Variants in RIT2 observed in about 807,000 individuals in gnomAD.
RIT2 encodes the protein Ras like without CAAX 2.
In RIT2, 24 loss-of-function variants were observed where a neutral mutation model predicts 23.7. That is an observed-to-expected ratio of 1.01 (90% CI 0.73 to 1.43). The LOEUF is 1.43. Ranked by LOEUF, RIT2 falls within the 40% of genes most tolerant of loss-of-function variation. RIT2 has a pLI of 0.00. For synonymous variants in RIT2, 107 were observed against 91.1 expected (o/e 1.17, Z -0.99); for missense variants, 236 against 266.9 (o/e 0.88, Z 0.81).
chr18:42,946,323 G>A (rs1022135688), intron 3 of RIT2, among the ~76,000 whole-genome samples: 4 of 151,940 alleles, frequency 2.6e-5, no homozygotes, highest in African/African-American at 4.8e-5. Flanking sequence ...AAAACCACAC[G>A]TTTAAAATCA....
chr18:42,946,854 C>T (rs1361344043), intron 3 of RIT2, among the ~76,000 whole-genome samples: 1 of 151,976 alleles, frequency 6.6e-6, no homozygotes, highest in East Asian at 1.9e-4. Context: ...AGGTCACTTT[C>T]AGCTCTGAAA....
rs77773610 is a variant in RIT2 at position 42,916,923 on chromosome 18, A to T, written c.426+6649T>A. Among the ~76,000 whole-genome samples, 339 of 152,236 alleles carry T rather than the reference A, an allele frequency of 2.2e-3. 1 individual carries two copies. The highest frequency in any genetic ancestry group is 7.6e-3 in the African/African-American group (315 of 41,564). ...AGAAGTTGAACGTTAATGCAAACCC[A>T]ACAGAGTCTTTACCAAACTAGTGGG... is the stretch of plus-strand genomic sequence containing the variant. On this transcript the variant is annotated intron_variant, in intron 4 of 4. Transcript: ENST00000326695.
chr18:42,757,055 T>C (rs927124230), intron 4 of RIT2, among the ~76,000 whole-genome samples: 1 of 152,156 alleles, frequency 6.6e-6, no homozygotes, highest in African/African-American at 2.4e-5. Flanking sequence ...AAGTGAACCA[T>C]GTTCAATAAA....
intron 4 of RIT2, among the ~76,000 whole-genome samples, chr18:42,749,696 A>C (rs925477490): frequency 6.6e-6 from 1 of 151,840 alleles, no homozygotes; most frequent in African/African-American, 2.4e-5. Flanking sequence ...TTGTCCCAAT[A>C]TATCAGAAAT....
At chr18:43,078,046 G>A (rs1041861370) in intron 1 of RIT2, among the ~76,000 whole-genome samples, 5 of 152,050 alleles carry the variant, frequency 3.3e-5, no homozygotes, top group Admixed American at 1.3e-4. Flanking sequence ...TTTTGAAAGC[G>A]ATGCTAAAAA....
chr18:43,037,583 T>C (rs563009831), intron 1 of RIT2, among the ~76,000 whole-genome samples: 1 of 152,252 alleles, frequency 6.6e-6, no homozygotes, highest in South Asian at 2.1e-4. Flanking sequence ...CTTATTCTTG[T>C]TTTAGTCTAA....
chr18:43,106,855 T>C (rs1343285349), intron 1 of RIT2, among the ~76,000 whole-genome samples: 1 of 152,202 alleles, frequency 6.6e-6, no homozygotes, highest in East Asian at 1.9e-4. Flanking sequence ...GGCACTTAGC[T>C]GGTCCCTGCT....
At chr18:43,060,878 C>T (rs11664719) in intron 1 of RIT2, among the ~76,000 whole-genome samples, 24,345 of 151,976 alleles carry the variant, frequency 0.16, 2,070 homozygotes, top group South Asian at 0.21. Flanking sequence ...AGGAAAGCAT[C>T]GTTATCCCTA....
intron 3 of RIT2, among the ~76,000 whole-genome samples, chr18:42,960,223 G>C (rs536565247): frequency 1.3e-5 from 2 of 152,058 alleles, no homozygotes; most frequent in Non-Finnish European, 2.9e-5. Context: ...ATATTTTCAC[G>C]GTCAAAACCT....
intron 4 of RIT2, among the ~76,000 whole-genome samples, chr18:42,786,265 A>G (rs767901579): frequency 3.9e-5 from 6 of 152,158 alleles, no homozygotes; most frequent in Non-Finnish European, 8.8e-5. Flanking sequence ...TTTCCTGTAC[A>G]CAAGGGGTCT....
At chr18:42,761,609 A>T (rs539885141) in intron 4 of RIT2, among the ~76,000 whole-genome samples, 1 of 152,190 alleles carries the variant, frequency 6.6e-6, no homozygotes, top group Non-Finnish European at 1.5e-5. Flanking sequence ...TAAGAATTTC[A>T]ATTCTGAGTT....
intron 2 of RIT2, among the ~76,000 whole-genome samples, chr18:43,024,764 G>T (rs1911672588): frequency 6.6e-6 from 1 of 151,148 alleles, no homozygotes; most frequent in Non-Finnish European, 1.5e-5. Context: ...ATTATAAAGT[G>T]GGCAAAGAAC....
At position 42,920,184 on chromosome 18, in the gene RIT2, C is replaced by T. The variant is rs79158212; in HGVS notation, c.426+3388G>A. ...GCTCCTCCTTGTCCATAAGATGCTACTGCTCTAAGAAGCATGCTAGTATCT... is the reference window on the plus strand; with the variant it reads ...GCTCCTCCTTGTCCATAAGATGCTATTGCTCTAAGAAGCATGCTAGTATCT... On this transcript the variant is annotated intron_variant, in intron 4 of 4. Coordinates refer to ENST00000326695, the MANE Select transcript of RIT2 (RefSeq NM_002930.4). Among the ~76,000 whole-genome samples, 938 of 152,252 alleles carry T rather than the reference C, an allele frequency of 6.2e-3. 8 individuals carry two copies. Among genetic ancestry groups the T allele is most frequent in the African/African-American group, 0.022 (904 of 41,562 alleles).
chr18:42,986,669 T>C (rs1910717279), intron 2 of RIT2, among the ~76,000 whole-genome samples: 1 of 151,862 alleles, frequency 6.6e-6, no homozygotes, highest in Middle Eastern at 3.4e-3. Flanking sequence ...GCCCAGCTAA[T>C]TTTTGTATTT....
intron 1 of RIT2, among the ~76,000 whole-genome samples, chr18:43,058,227 C>T (rs1194003255): frequency 1.3e-5 from 2 of 151,936 alleles, no homozygotes; most frequent in Non-Finnish European, 2.9e-5. Context: ...TCAAATCACT[C>T]GAATGTATAG....
intron 4 of RIT2, among the ~76,000 whole-genome samples, chr18:42,808,177 T>C (rs1482449275): frequency 6.6e-6 from 1 of 152,192 alleles, no homozygotes; most frequent in African/African-American, 2.4e-5. Context: ...TTCTCTCGCC[T>C]CAGAGTTGCA....
chr18:42,881,857 T>C (rs992205526), intron 4 of RIT2, among the ~76,000 whole-genome samples: 2 of 152,310 alleles, frequency 1.3e-5, no homozygotes, highest in African/African-American at 4.8e-5. Context: ...AACACCTAGA[T>C]AGTGAGTGAA....
Position 42,923,677 on chromosome 18 carries a change from A to T in RIT2, c.321T>A (p.Phe107Leu). Reference sequence around the variant, plus strand: ...GCTCTTTAAACTTGGCAGCCTCCTGAAATGATTGACGGTCAGTGACGGAGT... The same window carrying T: ...GCTCTTTAAACTTGGCAGCCTCCTGTAATGATTGACGGTCAGTGACGGAGT... ...ICYSVTDRQS[F>L]QEAAKFKELI... Residue 107 changes from phenylalanine to leucine, a missense_variant, in exon 4 of 5, where the codon TTT (phenylalanine) becomes TTA (leucine). Transcript: ENST00000326695. The T allele has an allele frequency of 1.2e-6, 2 of 1,613,464 alleles. No individual in the cohort carries two copies. The highest frequency in any genetic ancestry group is 1.7e-6 in the Non-Finnish European group (2 of 1,179,648).
chr18:43,044,569 G>A (rs1319714825), intron 1 of RIT2, among the ~76,000 whole-genome samples: 1 of 152,180 alleles, frequency 6.6e-6, no homozygotes, highest in Non-Finnish European at 1.5e-5. Flanking sequence ...AAGATGGGAA[G>A]GGAATCTGAG....
Sources: gnomAD v4.1 joint callset for allele counts (sites outside exome capture counted in the v4.1 genomes callset) on GRCh38, gnomAD v4.1.1 for gene constraint, MANE v1.5 for transcripts, NCBI Gene and HGNC (gene_info 2026-07-23, HGNC 2026-07-21) for gene names.